The following GABBR2 variants were observed in gnomAD, a reference collection of about 807,000 sequenced individuals.
The protein encoded by GABBR2 is gamma-aminobutyric acid type B receptor subunit 2, also known as G-protein coupled receptor 51.
In GABBR2, 23 loss-of-function variants were observed where a neutral mutation model predicts 105.6. The observed-to-expected ratio is 0.22, with a 90% CI of 0.16 to 0.31. The LOEUF is 0.31. Among genes scored for constraint, GABBR2 ranks in the 10% least tolerant of loss-of-function variants. The pLI, the probability that GABBR2 is intolerant of heterozygous loss-of-function variation, is 1.00. For missense variants in GABBR2, 734 were observed against 1,245.5 expected (o/e 0.59, Z 6.18); for synonymous variants, 478 against 499.7 (o/e 0.96, Z 0.58).
chr9:98,627,681 C>T (rs755524995), intron 1 of GABBR2, among the ~76,000 whole-genome samples: 8 of 152,202 alleles, frequency 5.3e-5, no homozygotes, highest in Non-Finnish European at 1.0e-4. Flanking sequence ...CGTTCTGAAG[C>T]GGGTCCGTGT....
At chr9:98,688,852 C>A (rs1435450971) in intron 1 of GABBR2, among the ~76,000 whole-genome samples, 2 of 152,110 alleles carry the variant, frequency 1.3e-5, no homozygotes, top group South Asian at 2.1e-4. Flanking sequence ...GTGAGCCAGG[C>A]AACACAAGGA....
At chr9:98,531,602 C>G (rs1002698920) in intron 3 of GABBR2, among the ~76,000 whole-genome samples, 1 of 152,216 alleles carries the variant, frequency 6.6e-6, no homozygotes, top group Non-Finnish European at 1.5e-5. Flanking sequence ...GTGGCTCTCA[C>G]CTAGGTGGGG....
At chr9:98,562,108 A>T (rs1245064399) in intron 2 of GABBR2, among the ~76,000 whole-genome samples, 3 of 152,174 alleles carry the variant, frequency 2.0e-5, no homozygotes, top group African/African-American at 7.2e-5. Flanking sequence ...AAGTGATCAA[A>T]TTTAGTATCA....
At chr9:98,434,540 C>T (rs1825867688) in intron 7 of GABBR2, among the ~76,000 whole-genome samples, 1 of 152,182 alleles carries the variant, frequency 6.6e-6, no homozygotes, top group South Asian at 2.1e-4. Context: ...CCTATTCAAG[C>T]TACTAACGTA....
intron 3 of GABBR2, among the ~76,000 whole-genome samples, chr9:98,519,939 T>G (rs1301651704): frequency 6.6e-6 from 1 of 152,150 alleles, no homozygotes; most frequent in Non-Finnish European, 1.5e-5. Context: ...GAGCCTATGG[T>G]TCTATTTTTC....
chr9:98,654,311 C>A (rs1291884860), intron 1 of GABBR2, among the ~76,000 whole-genome samples: 2 of 152,222 alleles, frequency 1.3e-5, no homozygotes, highest in Non-Finnish European at 2.9e-5. Flanking sequence ...CTTGTCATGG[C>A]CCATCTCGGC....
intron 13 of GABBR2, chr9:98,362,512 G>A (rs540762675): frequency 3.3e-5 from 11 of 329,098 alleles, no homozygotes; most frequent in South Asian, 1.5e-4. Flanking sequence ...TTCATTCTGC[G>A]TGTATTAATA....
chr9:98,412,704 C>T (rs535376688), intron 7 of GABBR2, among the ~76,000 whole-genome samples: 8 of 152,148 alleles, frequency 5.3e-5, no homozygotes, highest in African/African-American at 1.4e-4. Flanking sequence ...TAAAATATTA[C>T]GCCAGTGTTC....
intron 16 of GABBR2, among the ~76,000 whole-genome samples, chr9:98,302,521 G>T (rs1370489024): frequency 6.6e-6 from 1 of 152,190 alleles, no homozygotes. Flanking sequence ...TTATTTTGGG[G>T]CCTTGTTTAG....
chr9:98,574,563 A>G (rs935698396), intron 2 of GABBR2, among the ~76,000 whole-genome samples: 1 of 152,252 alleles, frequency 6.6e-6, no homozygotes, highest in African/African-American at 2.4e-5. Flanking sequence ...GTGTGTCTGA[A>G]TTCCTGAACC....
At chr9:98,516,397 C>A (rs1411462783) in intron 3 of GABBR2, 1 of 152,338 alleles carries the variant, frequency 6.6e-6, no homozygotes. Flanking sequence ...TGCCACACAC[C>A]AACTCACCAG....
chr9:98,554,053 T>C (rs1203313233), intron 2 of GABBR2, among the ~76,000 whole-genome samples: 1 of 152,184 alleles, frequency 6.6e-6, no homozygotes, highest in East Asian at 1.9e-4. Flanking sequence ...CAAAATCAGG[T>C]GACTTACTCA....
intron 7 of GABBR2, among the ~76,000 whole-genome samples, chr9:98,417,776 G>C (rs1321220023): frequency 6.6e-6 from 1 of 152,222 alleles, no homozygotes; most frequent in African/African-American, 2.4e-5. Context: ...GTTGCTAGGA[G>C]AGAGTGGGTA....
intron 1 of GABBR2, among the ~76,000 whole-genome samples, chr9:98,661,172 T>C (rs566255694): frequency 6.6e-6 from 1 of 152,208 alleles, no homozygotes; most frequent in East Asian, 1.9e-4. Flanking sequence ...CCTCCCATAG[T>C]GCTAGGATTA....
At chr9:98,406,552 G>A (rs1402898340) in intron 7 of GABBR2, among the ~76,000 whole-genome samples, 1 of 152,258 alleles carries the variant, frequency 6.6e-6, no homozygotes, top group African/African-American at 2.4e-5. Context: ...AAGATACGGG[G>A]TATTGCTGAG....
At chr9:98,666,618 T>C (rs891117436) in intron 1 of GABBR2, among the ~76,000 whole-genome samples, 2 of 152,160 alleles carry the variant, frequency 1.3e-5, no homozygotes, top group Non-Finnish European at 2.9e-5. Flanking sequence ...AGTGATCCTC[T>C]GGCCTCAGCC....
At chr9:98,495,262 G>C (rs1189857543) in intron 4 of GABBR2, among the ~76,000 whole-genome samples, 1 of 152,188 alleles carries the variant, frequency 6.6e-6, no homozygotes, top group African/African-American at 2.4e-5. Context: ...TCTGGGCTTT[G>C]GGCTCCCCAT....
chr9:98,494,961 G>A (rs1827248423), intron 4 of GABBR2, among the ~76,000 whole-genome samples: 1 of 152,232 alleles, frequency 6.6e-6, no homozygotes, highest in Non-Finnish European at 1.5e-5. Context: ...CTCTGCATGT[G>A]GCAGGAGAAT....
At chr9:98,517,404 C>G (rs551880376) in intron 3 of GABBR2, among the ~76,000 whole-genome samples, 64 of 152,314 alleles carry the variant, frequency 4.2e-4, no homozygotes, top group African/African-American at 1.5e-3. Flanking sequence ...TGACCTTGAA[C>G]AGGCTCGCCC....
Sources: gnomAD v4.1 joint callset for allele counts (sites outside exome capture counted in the v4.1 genomes callset) on GRCh38, gnomAD v4.1.1 for gene constraint, MANE v1.5 for transcripts, NCBI Gene and HGNC (gene_info 2026-07-23, HGNC 2026-07-21) for gene names.